CDKAL1: variants seen among roughly 807,000 people sequenced by gnomAD.
CDKAL1 encodes CDKAL1 threonylcarbamoyladenosine tRNA methylthiotransferase.
In CDKAL1, 32 loss-of-function variants were observed where a neutral mutation model predicts 68.2. The ratio of observed to expected loss-of-function variants is 0.47; its 90% CI spans 0.35 to 0.63. The LOEUF is 0.63. Ranked by LOEUF, CDKAL1 falls within the 30% of genes least tolerant of loss-of-function variation. The pLI, the probability that CDKAL1 is intolerant of heterozygous loss-of-function variation, is 0.00. For missense variants in CDKAL1, 606 were observed against 696.7 expected, an observed-to-expected ratio of 0.87 and a Z score of 1.47; for synonymous variants, 234 against 244.3, an observed-to-expected ratio of 0.96 and a Z score of 0.39.
At chr6:20,873,224 G>C (rs1416711817) in intron 9 of CDKAL1, among the ~76,000 whole-genome samples, 1 of 152,176 alleles carries the variant, frequency 6.6e-6, no homozygotes, top group East Asian at 1.9e-4. Context: ...AGGAACTTAA[G>C]AGAGCATTTC....
rs1775614341 is a variant in CDKAL1 at position 21,136,630 on chromosome 6, T to A, written c.1299+28167T>A. ...TCATTAATTATTTCATTCAAATAAA[T>A]CTATTGCTCTTTCTCCTAAGAACTA... is the stretch of plus-strand genomic sequence containing the variant. On this transcript the variant is annotated intron_variant, in intron 13 of 15. Coordinates refer to ENST00000274695, the MANE Select transcript of CDKAL1 (RefSeq NM_017774.3). 3.3e-5 allele frequency among the ~76,000 whole-genome samples: 5 copies of A among 152,210 alleles called. No individual in the cohort carries two copies. The South Asian group carries it at 1.0e-3, about 31-fold the overall frequency.
At chr6:20,972,336 T>A (rs1440451178) in intron 10 of CDKAL1, among the ~76,000 whole-genome samples, 1 of 152,192 alleles carries the variant, frequency 6.6e-6, no homozygotes, top group African/African-American at 2.4e-5. Context: ...CACAGCCCAC[T>A]GGCAGTCACT....
chr6:20,961,284 T>C (rs549752698), intron 10 of CDKAL1, among the ~76,000 whole-genome samples: 1 of 152,292 alleles, frequency 6.6e-6, no homozygotes, highest in Admixed American at 6.5e-5. Context: ...ATCATGTCCT[T>C]TGCAGGAACA....
Position 20,643,433 on chromosome 6 carries a change from G to C in CDKAL1, c.287-5860G>C, listed in dbSNP as rs962493527. ...TATCCAAATTAATGTATGAAATTGGGATGTATCTTAAAATTGATAAGAACT... is the reference window on the plus strand; with the variant it reads ...TATCCAAATTAATGTATGAAATTGGCATGTATCTTAAAATTGATAAGAACT... On this transcript the variant is annotated intron_variant, in intron 4 of 15. Transcript: ENST00000274695. Among the ~76,000 whole-genome samples, 33 of 152,150 alleles carry C rather than the reference G, an allele frequency of 2.2e-4. 1 individual carries two copies. The highest frequency in any genetic ancestry group is 8.0e-4 in the African/African-American group (33 of 41,430).
At chr6:21,117,106 C>G (rs1774451489) in intron 13 of CDKAL1, among the ~76,000 whole-genome samples, 2 of 152,106 alleles carry the variant, frequency 1.3e-5, no homozygotes, top group Non-Finnish European at 2.9e-5. Flanking sequence ...TACCCTGCCC[C>G]AACAGCTCTG....
Position 20,822,205 on chromosome 6 carries a change from C to T in CDKAL1, c.639-23870C>T, listed in dbSNP as rs60702402. Among the ~76,000 whole-genome samples the T allele has an allele frequency of 0.012, 1,818 of 152,168 alleles. 92 individuals carry two copies. In the East Asian group the frequency reaches 0.18, roughly 15 times the overall value. On this transcript the variant is annotated intron_variant, in intron 8 of 15. Transcript: ENST00000274695. ...TGAGTATATGGTATTATATATTTTG[C>T]AGTATAGATCATAATGCCATTTGAC...
intron 8 of CDKAL1, among the ~76,000 whole-genome samples, chr6:20,835,496 C>CTTGTCTTGTCTTGTCTTGTCTTGTCTT (rs1777896561): frequency 6.6e-6 from 1 of 151,058 alleles, no homozygotes; most frequent in Non-Finnish European, 1.5e-5. Flanking sequence ...CTTGTCTTGT[C>CTTGTCTTGTCTTGTCTTGTCTTGTCTT]TTGTCTTGTC....
At chr6:21,224,534 CAAT>C (rs930692867) in intron 15 of CDKAL1, among the ~76,000 whole-genome samples, 6 of 151,724 alleles carry the variant, frequency 4.0e-5, no homozygotes, top group Non-Finnish European at 7.4e-5. Context: ...TAAACAATAA[CAAT>C]AATAATAATA....
intron 12 of CDKAL1, among the ~76,000 whole-genome samples, chr6:21,078,062 G>C (rs1276784263): frequency 2.6e-5 from 4 of 152,140 alleles, no homozygotes; most frequent in Non-Finnish European, 4.4e-5. Context: ...TTCTCCCCTA[G>C]AGCCTCCTGA....
chr6:20,875,223 C>A (rs954574386), intron 9 of CDKAL1, among the ~76,000 whole-genome samples: 2 of 147,884 alleles, frequency 1.4e-5, no homozygotes, highest in African/African-American at 5.0e-5. Flanking sequence ...GGCGTGAACC[C>A]GGGAAGCGGA....
intron 4 of CDKAL1, among the ~76,000 whole-genome samples, chr6:20,589,271 T>G (rs1765496738): frequency 6.6e-6 from 1 of 152,218 alleles, no homozygotes; most frequent in Non-Finnish European, 1.5e-5. Context: ...ATCTTGCATA[T>G]TAATCTTGTT....
intron 6 of CDKAL1, among the ~76,000 whole-genome samples, chr6:20,746,698 A>G (rs755687968): frequency 1.3e-5 from 2 of 152,232 alleles, no homozygotes; most frequent in Non-Finnish European, 2.9e-5. Context: ...CTTTATATGT[A>G]TAGTTCTTAA....
At chr6:20,806,956 G>A (rs887927672) in intron 8 of CDKAL1, among the ~76,000 whole-genome samples, 7 of 152,162 alleles carry the variant, frequency 4.6e-5, no homozygotes, top group Non-Finnish European at 1.0e-4. Context: ...TGAAAATGTA[G>A]AGTGTTTAAA....
chr6:20,677,990 GA>G (rs778117613), intron 5 of CDKAL1, among the ~76,000 whole-genome samples: 8 of 151,446 alleles, frequency 5.3e-5, no homozygotes, highest in Non-Finnish European at 8.8e-5. Context: ...CTTTATTTGT[GA>G]TTTATCATTT....
At chr6:21,081,857 C>T (rs1233865656) in intron 12 of CDKAL1, among the ~76,000 whole-genome samples, 3 of 152,086 alleles carry the variant, frequency 2.0e-5, no homozygotes, top group African/African-American at 7.2e-5. Flanking sequence ...GGATTACAGG[C>T]ATGAGCCACT....
At chr6:20,703,482 C>G (rs1180945541) in intron 5 of CDKAL1, among the ~76,000 whole-genome samples, 1 of 151,970 alleles carries the variant, frequency 6.6e-6, no homozygotes, top group Admixed American at 6.5e-5. Flanking sequence ...TTTATGTGCT[C>G]TAATGTATTT....
intron 9 of CDKAL1, among the ~76,000 whole-genome samples, chr6:20,852,447 C>A (rs72832383): frequency 0.012 from 1,751 of 152,212 alleles, 17 homozygotes; most frequent in Non-Finnish European, 0.018. Flanking sequence ...ATATTTTCTA[C>A]CTGGCTTTTT....
At chr6:20,643,978 C>G (rs917068516) in intron 4 of CDKAL1, among the ~76,000 whole-genome samples, 9 of 152,006 alleles carry the variant, frequency 5.9e-5, no homozygotes, top group African/African-American at 1.7e-4. Context: ...GCATGCGCCA[C>G]CATGCCTGGC....
intron 4 of CDKAL1, among the ~76,000 whole-genome samples, chr6:20,573,864 G>A (rs991434732): frequency 3.3e-5 from 5 of 152,130 alleles, no homozygotes; most frequent in African/African-American, 1.2e-4. Flanking sequence ...TAATGGATTT[G>A]CACTAATTTG....
Sources: gnomAD v4.1 joint callset for allele counts (sites outside exome capture counted in the v4.1 genomes callset) on GRCh38, gnomAD v4.1.1 for gene constraint, MANE v1.5 for transcripts, NCBI Gene and HGNC (gene_info 2026-07-23, HGNC 2026-07-21) for gene names.